The following UNC79 variants were observed in gnomAD, a reference collection of about 807,000 sequenced individuals.
UNC79 encodes the protein unc-79 subunit of NALCN channel complex.
UNC79 carries 37 observed loss-of-function variants against 283.1 expected under a neutral mutation model. The ratio of observed to expected loss-of-function variants is 0.13; its 90% confidence interval spans 0.10 to 0.17. The LOEUF is 0.17. UNC79 is among the 10% of genes least tolerant of loss of function. The pLI is 1.00. For missense variants in UNC79, 2,272 were observed against 3,211.1 expected (o/e 0.71, Z 7.07); for synonymous variants, 1,107 against 1,200.2 (o/e 0.92, Z 1.61).
At chr14:93,578,274 T>C (rs914016742) in intron 18 of UNC79, among the ~76,000 whole-genome samples, 2 of 152,314 alleles carry the variant, frequency 1.3e-5, no homozygotes, top group Non-Finnish European at 1.5e-5. Flanking sequence ...TGAGAATGGA[T>C]TGAATTTTAG....
At position 93,573,372 on chromosome 14, in the gene UNC79, G is replaced by A. The variant is rs556883915; in HGVS notation, c.2070+556G>A. On this transcript the variant is annotated intron_variant, in intron 16 of 48. Coordinates refer to ENST00000555664, the Ensembl canonical transcript of UNC79. ...CTGTCTCACAGTTTTTGTCTGTCTC[G>A]CCACCTGATTTCAAGCTCTTGAGTA... Among the ~76,000 whole-genome samples the A allele has an allele frequency of 1.1e-4, 17 of 152,160 alleles. No individual in the cohort carries two copies. The East Asian group carries it at 2.1e-3, about 19-fold the overall frequency.
chr14:93,445,903 C>T (rs1237747765), intron 1 of UNC79, among the ~76,000 whole-genome samples: 1 of 152,042 alleles, frequency 6.6e-6, no homozygotes, highest in African/African-American at 2.4e-5. Context: ...GTCTAGTTGC[C>T]ATTTACTGGT....
At chr14:93,627,517 C>T (rs1475268003) in intron 30 of UNC79, among the ~76,000 whole-genome samples, 3 of 152,210 alleles carry the variant, frequency 2.0e-5, no homozygotes, top group Non-Finnish European at 4.4e-5. Context: ...TGACCTCGAC[C>T]TGGACCTTGA....
intron 26 of UNC79, 142 bp downstream of exon 27, chr14:93,605,103 T>A: frequency 1.3e-6 from 1 of 758,782 alleles, no homozygotes; most frequent in Non-Finnish European, 1.9e-6. Context: ...GATGTTCAAG[T>A]GTTTGAACCC....
At chr14:93,630,814 A>G in exon 31 of UNC79, 1 of 1,613,978 alleles carries the variant, frequency 6.2e-7, no homozygotes, top group Non-Finnish European at 8.5e-7. Context: ...CTTCTACTAA[A>G]GGACTTTCAA....
At chr14:93,415,997 G>C (rs2055446224) in intron 1 of UNC79, among the ~76,000 whole-genome samples, 1 of 151,786 alleles carries the variant, frequency 6.6e-6, no homozygotes, top group Admixed American at 6.6e-5. Flanking sequence ...ATTTTTTGGA[G>C]GGTTTTTTGT....
intron 47 of UNC79, among the ~76,000 whole-genome samples, chr14:93,703,459 CT>C (rs1284249042): frequency 6.6e-6 from 1 of 152,188 alleles, no homozygotes; most frequent in Non-Finnish European, 1.5e-5. Flanking sequence ...ACATAGCATG[CT>C]TTCTGTGTGT....
chr14:93,439,083 T>C (rs2056199280), intron 1 of UNC79, among the ~76,000 whole-genome samples: 1 of 152,162 alleles, frequency 6.6e-6, no homozygotes, highest in African/African-American at 2.4e-5. Flanking sequence ...AATTATTTTC[T>C]TTTTGTAGTC....
At chr14:93,625,250 C>T (rs1372509151) in intron 30 of UNC79, among the ~76,000 whole-genome samples, 2 of 152,220 alleles carry the variant, frequency 1.3e-5, no homozygotes, top group African/African-American at 4.8e-5. Flanking sequence ...CACACTTCCC[C>T]TTTCAGACCC....
chr14:93,588,658 G>T (rs1306461764), intron 22 of UNC79, among the ~76,000 whole-genome samples: 10 of 148,484 alleles, frequency 6.7e-5, no homozygotes, highest in African/African-American at 2.5e-4. Flanking sequence ...GGAGAATGAC[G>T]TGAACCCGGG....
In UNC79 at chr14:93,348,242, A is replaced by T. The variant is rs1342912070; in HGVS notation, c.-351+14719A>T. On this transcript the variant is annotated intron_variant, in intron 1 of 49. Coordinates refer to the UNC79 transcript ENST00000256339. ...AACCATTGTGGTATTCACTTTCCTCATGTTTATGATGAATATTTTGCACTT... is the reference window on the plus strand; with the variant it reads ...AACCATTGTGGTATTCACTTTCCTCTTGTTTATGATGAATATTTTGCACTT... The T allele has an allele frequency of 9.4e-6, 6 of 638,966 alleles. No homozygotes were observed. The East Asian group carries it at 1.6e-4, about 17-fold the overall frequency. 39.6% of individuals were successfully genotyped at this position (638,966 alleles called of 1,614,324 possible). A position where few individuals can be genotyped will look rare whatever the true frequency, so the allele number is the denominator to read the frequency against.
At chr14:93,371,342 G>A (rs1395867505) in intron 1 of UNC79, among the ~76,000 whole-genome samples, 1 of 151,130 alleles carries the variant, frequency 6.6e-6, no homozygotes, top group African/African-American at 2.4e-5. Flanking sequence ...AGCCAAGATC[G>A]CACCATGGCA....
At chr14:93,601,130 G>A (rs2065469984) in intron 25 of UNC79, among the ~76,000 whole-genome samples, 2 of 152,154 alleles carry the variant, frequency 1.3e-5, no homozygotes, top group Non-Finnish European at 1.5e-5. Flanking sequence ...TAGTTTTGGG[G>A]ACATAGGTGG....
intron 1 of UNC79, among the ~76,000 whole-genome samples, chr14:93,394,051 A>G (rs951612944): frequency 2.6e-5 from 4 of 152,024 alleles, no homozygotes; most frequent in African/African-American, 9.7e-5. Context: ...CAGAATTCCT[A>G]GTACCCATGA....
chr14:93,616,751 A>G (rs1384657899), intron 27 of UNC79, among the ~76,000 whole-genome samples: 1 of 152,120 alleles, frequency 6.6e-6, no homozygotes, highest in Non-Finnish European at 1.5e-5. Flanking sequence ...CTTGGTTCAG[A>G]TTGAACCAAG....
chr14:93,505,720 TTCTC>T (rs954901096), intron 7 of UNC79, among the ~76,000 whole-genome samples: 22 of 150,840 alleles, frequency 1.5e-4, no homozygotes, highest in African/African-American at 3.9e-4. Flanking sequence ...TTTTTCTTTT[TTCTC>T]TCTCTCTTTT....
chr14:93,397,880 G>A (rs1338632566), intron 1 of UNC79, among the ~76,000 whole-genome samples: 1 of 151,274 alleles, frequency 6.6e-6, no homozygotes, highest in Non-Finnish European at 1.5e-5. Flanking sequence ...ACAACATAGT[G>A]AGATTCCTGT....
chr14:93,695,890 C>CAAAAAAAAAAAAAAA lies in UNC79; in HGVS notation c.7548+1484_7548+1498dup, dbSNP rs535235954. On this transcript the variant is annotated intron_variant, in intron 47 of 48. Transcript: ENST00000555664. ...TGGGCAACAGGATGAGACTTTGTCT[C>CAAAAAAAAAAAAAAA]AAAAAAAAAAAAAAAAAAAAGCAAA... Among the ~76,000 whole-genome samples the CAAAAAAAAAAAAAAA allele has an allele frequency of 3.2e-3, 125 of 39,394 alleles. 8 individuals carry two copies. The highest frequency in any genetic ancestry group is 1.0e-2 in the African/African-American group (94 of 9,422). 25.8% of individuals were successfully genotyped at this position (39,394 alleles called of 152,430 possible).
chr14:93,702,979 C>CATGG (rs2075639218), intron 47 of UNC79, among the ~76,000 whole-genome samples: 1 of 152,234 alleles, frequency 6.6e-6, no homozygotes, highest in African/African-American at 2.4e-5. Context: ...AATAGAGCAT[C>CATGG]CCCTCTTCGG....
Sources: gnomAD v4.1 joint callset for allele counts (sites outside exome capture counted in the v4.1 genomes callset) on GRCh38, gnomAD v4.1.1 for gene constraint, MANE v1.5 for transcripts, NCBI Gene and HGNC (gene_info 2026-07-23, HGNC 2026-07-21) for gene names.